CEP72: variants seen among roughly 807,000 people sequenced by gnomAD.
The protein encoded by CEP72 is centrosomal protein 72, also known as centrosomal protein of 72 kDa.
Under a neutral mutation model 65.7 loss-of-function variants are expected in CEP72, and 78 were observed. The ratio of observed to expected loss-of-function variants is 1.19; its 90% CI spans 0.99 to 1.43. The LOEUF (loss-of-function observed/expected upper bound fraction) is 1.43. Among genes scored for constraint, CEP72 ranks in the 40% most tolerant of loss-of-function variants. CEP72 has a pLI of 0.00. For missense variants in CEP72, 914 were observed against 832.9 expected, an observed-to-expected ratio of 1.10 and a Z score of -1.20; for synonymous variants, 358 against 351.7, an observed-to-expected ratio of 1.02 and a Z score of -0.20.
intron 3 of CEP72, among the ~76,000 whole-genome samples, chr5:620,745 C>A (rs1244514427): frequency 6.6e-6 from 1 of 152,250 alleles, no homozygotes; most frequent in Non-Finnish European, 1.5e-5. Flanking sequence ...TGTGCAGTGA[C>A]CTTTGGATCA....
chr5:666,709 G>A (rs1203669130), intron 4 of CEP72, among the ~76,000 whole-genome samples: 1 of 152,218 alleles, frequency 6.6e-6, no homozygotes, highest in East Asian at 1.9e-4. Flanking sequence ...GCCATGAGAA[G>A]CTTCTGGTCA....
In CEP72 at chr5:623,037, T is replaced by G. The variant is rs1482316400; in HGVS notation, c.404-1434T>G. 6.6e-6 allele frequency among the ~76,000 whole-genome samples: 1 copy of G among 152,166 alleles called. No homozygotes were observed. The highest frequency in any genetic ancestry group is 2.4e-5 in the African/African-American group (1 of 41,450). Reference sequence around the variant, plus strand: ...GCGCAGCCGTCTCCCCTCTTAGTGTTTCTGTAGAGAAGGAGCGCGGCCGTC... The same window carrying G: ...GCGCAGCCGTCTCCCCTCTTAGTGTGTCTGTAGAGAAGGAGCGCGGCCGTC... On this transcript the variant is annotated intron_variant, in intron 3 of 11. Transcript: ENST00000264935. The surrounding 1 kb of genome is among the most constrained non-coding windows in gnomAD (Gnocchi z 5.3).
chr5:658,962 C>T (rs532425539), downstream of CEP72, among the ~76,000 whole-genome samples: 8 of 152,328 alleles, frequency 5.3e-5, no homozygotes, highest in East Asian at 1.3e-3. Context: ...GCCACCGCGC[C>T]CGGCCTCAGC....
chr5:658,644 G>A (rs560873170), downstream of CEP72, among the ~76,000 whole-genome samples: 49 of 79,468 alleles, frequency 6.2e-4, no homozygotes, highest in African/African-American at 2.2e-3. Context: ...CAGCAAAGCT[G>A]ATTTTTTTTT....
downstream of CEP72, among the ~76,000 whole-genome samples, chr5:671,319 C>T (rs547440919): frequency 4.6e-5 from 7 of 152,186 alleles, no homozygotes; most frequent in East Asian, 1.9e-4. Context: ...CTTGGTGGGA[C>T]GTGGACTTGG....
chr5:642,353 T>G (rs1355263552), intron 9 of CEP72: 1 of 984,662 alleles, frequency 1.0e-6, no homozygotes, highest in African/African-American at 1.8e-5. Flanking sequence ...ACATGGCCCC[T>G]TCTCTGGAAG....
At chr5:670,688 G>A (rs925284981), downstream of CEP72, among the ~76,000 whole-genome samples, 8 of 152,144 alleles carry the variant, frequency 5.3e-5, no homozygotes, top group South Asian at 2.1e-4. Flanking sequence ...CAGTGGTCCC[G>A]TTCCAGCAGG....
At chr5:673,826 C>T in the CEP72 span, among the ~76,000 whole-genome samples, 91 of 152,314 alleles carry the variant, frequency 6.0e-4, no homozygotes, top group African/African-American at 1.7e-3. Flanking sequence ...GGGGCTCCTC[C>T]GGCCTCCTGG....
chr5:642,407 A>G, intron 9 of CEP72: 5 of 985,472 alleles, frequency 5.1e-6, no homozygotes, highest in Non-Finnish European at 6.0e-6. Flanking sequence ...GGAAGCCTTT[A>G]TACTGAAACA....
downstream of CEP72, among the ~76,000 whole-genome samples, chr5:655,154 A>T (rs1010035326): frequency 6.6e-6 from 1 of 152,126 alleles, no homozygotes; most frequent in Non-Finnish European, 1.5e-5. This position sits in a 1 kb window ranked among gnomAD's most constrained non-coding sequence, Gnocchi z 5.0. Context: ...TGAGGCCAGG[A>T]GTTTGAGACC....
chr5:656,469 C>T (rs903306081), downstream of CEP72, among the ~76,000 whole-genome samples: 1 of 152,134 alleles, frequency 6.6e-6, no homozygotes, highest in African/African-American at 2.4e-5. Context: ...GTTCATACAG[C>T]CTGATACTTT....
intron 11 of CEP72, among the ~76,000 whole-genome samples, chr5:649,158 TGACTGTGAGGTGTG>T (rs1286043442): frequency 1.2e-3 from 161 of 130,204 alleles, no homozygotes; most frequent in Admixed American, 2.1e-3. Flanking sequence ...CTGTGAGGCG[TGACTGTGAGGTGTG>T]GACTGTGAGG....
intron 7 of CEP72, 116 bp downstream of exon 7, chr5:637,934 TG>T: frequency 2.0e-6 from 2 of 1,011,106 alleles, no homozygotes; most frequent in East Asian, 2.7e-5. Flanking sequence ...CCCTCCCTGA[TG>T]CAGGGCTGTT....
intron 11 of CEP72, among the ~76,000 whole-genome samples, chr5:649,055 C>A (rs1249707732): frequency 5.7e-5 from 8 of 140,110 alleles, no homozygotes; most frequent in East Asian, 2.3e-4. Context: ...TGAGGTGTGA[C>A]TGTGAGGTGT....
downstream of CEP72, among the ~76,000 whole-genome samples, chr5:654,748 T>G (rs1461567821): frequency 2.0e-5 from 3 of 152,212 alleles, no homozygotes; most frequent in African/African-American, 7.2e-5. Flanking sequence ...TCATTGAGCT[T>G]CTTGGACCTG....
chr5:657,534 A>G (rs1739410744), downstream of CEP72, among the ~76,000 whole-genome samples: 1 of 152,202 alleles, frequency 6.6e-6, no homozygotes, highest in Non-Finnish European at 1.5e-5. Flanking sequence ...TGGTGAAGTC[A>G]CTTGTGCCTG....
rs1483372079 is a variant in CEP72 at position 645,034 on chromosome 5, C to T, written c.1666+609C>T. Among the ~76,000 whole-genome samples, 7 of 152,256 alleles carry T rather than the reference C, an allele frequency of 4.6e-5. No homozygotes were observed. The highest frequency in any genetic ancestry group is 1.0e-4 in the Non-Finnish European group (7 of 68,012). The stretch of plus-strand genomic sequence containing the variant: ...AGTCTGCTGTCCACGGTAACCTTCT[C>T]GGTGTGGCGTGGAGTCTCTTGGAAG... On this transcript the variant is annotated intron_variant, in intron 10 of 11. Transcript: ENST00000264935. This position sits in a 1 kb window ranked among gnomAD's most constrained non-coding sequence, Gnocchi z 4.0.
At chr5:613,483 A>C (rs1180182958) in intron 1 of CEP72, among the ~76,000 whole-genome samples, 1 of 152,188 alleles carries the variant, frequency 6.6e-6, no homozygotes, top group Admixed American at 6.5e-5. Context: ...TGATTCACTC[A>C]GCCTCCTGAG....
At chr5:671,089 G>A (rs917590284), downstream of CEP72, among the ~76,000 whole-genome samples, 8 of 152,212 alleles carry the variant, frequency 5.3e-5, no homozygotes, top group South Asian at 4.1e-4. Context: ...CCACACAGCC[G>A]GTCGGGGGGC....
Sources: allele counts gnomAD v4.1 joint callset (sites outside exome capture counted in the v4.1 genomes callset), GRCh38; gene constraint gnomAD v4.1.1; non-coding constraint Gnocchi (gnomAD v3.1); transcripts MANE v1.5; gene names NCBI Gene and HGNC (gene_info 2026-07-23, HGNC 2026-07-21).